SUPT6H: variants seen among roughly 807,000 people sequenced by gnomAD.
The protein encoded by SUPT6H is SPT6 homolog, histone chaperone and transcription elongation factor, also known as transcription elongation factor SPT6.
SUPT6H carries 11 observed loss-of-function variants against 222.3 expected under a neutral mutation model. The ratio of observed to expected loss-of-function variants is 0.05; its 90% CI spans 0.03 to 0.08. The LOEUF is 0.08. Among genes scored for constraint, SUPT6H ranks in the 10% least tolerant of loss-of-function variants. The pLI is 1.00. For synonymous variants in SUPT6H, 762 were observed against 801.2 expected (o/e 0.95, Z 0.83); for missense variants, 1,422 against 2,216.0 (o/e 0.64, Z 7.19).
chr17:28,681,297 A>G lies in SUPT6H; in HGVS notation c.1391A>G (p.Tyr464Cys). ...VQSMDELKDV[Y>C]NHFLLYYGRD... ...TCAATGGATGAGCTGAAAGATGTCTACAACCATTTTCTTCTTTATTATGGC... is the reference window on the plus strand; with the variant it reads ...TCAATGGATGAGCTGAAAGATGTCTGCAACCATTTTCTTCTTTATTATGGC... The change falls in exon 12 of 37, where the codon TAC (tyrosine) becomes TGC (cysteine). Residue 464 changes from tyrosine to cysteine, a missense_variant. This residue lies in a region of SUPT6H where 389 missense variants were observed against 544.6 expected (regional missense o/e 0.71). Coordinates refer to ENST00000314616, the MANE Select transcript of SUPT6H (RefSeq NM_003170.5). 2 of 1,614,078 alleles carry G rather than the reference A, an allele frequency of 1.2e-6. No homozygotes were observed. Among genetic ancestry groups the G allele is most frequent in the Non-Finnish European group, 1.7e-6 (2 of 1,179,998 alleles).
intron 7 of SUPT6H, among the ~76,000 whole-genome samples, chr17:28,676,704 T>C (rs754096095): frequency 7.2e-5 from 11 of 152,040 alleles, no homozygotes; most frequent in South Asian, 2.1e-4. Context: ...GGGTGGCAGA[T>C]TGCTTGAGTC....
chr17:28,678,993 G>A lies in SUPT6H; in HGVS notation c.1349+30G>A, dbSNP rs370324377. 3.4e-5 allele frequency: 55 copies of A among 1,613,576 alleles called. 1 individual carries two copies. Among genetic ancestry groups the A allele is most frequent in the African/African-American group, 1.3e-5 (1 of 74,900 alleles). ...AACATGCGGTGTTTATTCCATTATG[G>A]GAAGCCCTCAGACCCCAAGGCTGGC... On this transcript the variant is annotated intron_variant, in intron 11 of 36. Transcript: ENST00000314616.
At chr17:28,686,511 G>T (rs2031387627) in intron 20 of SUPT6H, 96 bp downstream of exon 20, 1 of 1,542,648 alleles carries the variant, frequency 6.5e-7, no homozygotes, top group Non-Finnish European at 8.9e-7. Flanking sequence ...TGGGGCTTGT[G>T]CTTGTGCAGG....
intron 6 of SUPT6H, 92 bp from the exon 7 acceptor site, chr17:28,676,065 T>C (rs2030728752): frequency 7.0e-7 from 1 of 1,423,194 alleles, no homozygotes; most frequent in African/African-American, 1.4e-5. Flanking sequence ...ACCCTCTCAG[T>C]TCCCTTGGGA....
chr17:28,699,198 C>G (rs1368184101), intron 32 of SUPT6H, among the ~76,000 whole-genome samples: 5 of 152,144 alleles, frequency 3.3e-5, no homozygotes, highest in African/African-American at 9.7e-5. Context: ...TCACACCCAC[C>G]CCATAGGCTT....
In SUPT6H at chr17:28,684,579, C is replaced by T; in HGVS notation, c.2230-7C>T. Reference sequence around the variant, plus strand: ...GTATGTAATACCTGTTGTGTCTCTTCCCTCAGGCCTGTAGTCGAAAGCTCT... The same window carrying T: ...GTATGTAATACCTGTTGTGTCTCTTTCCTCAGGCCTGTAGTCGAAAGCTCT... On this transcript the variant is annotated splice_polypyrimidine_tract_variant and splice_region_variant and intron_variant, in intron 17 of 36. Coordinates refer to ENST00000314616, the MANE Select transcript of SUPT6H (RefSeq NM_003170.5). 1 of 1,614,056 alleles carries T rather than the reference C, an allele frequency of 6.2e-7. No individual in the cohort carries two copies. Among genetic ancestry groups the T allele is most frequent in the Non-Finnish European group, 8.5e-7 (1 of 1,179,998 alleles).
At chr17:28,689,640 T>C in intron 25 of SUPT6H, 79 bp downstream of exon 25, 1 of 1,363,116 alleles carries the variant, frequency 7.3e-7, no homozygotes, top group Admixed American at 1.8e-5. Flanking sequence ...GCAGTGAGTG[T>C]GCAGAGAAAG....
chr17:28,678,149 A>G lies in SUPT6H; in HGVS notation c.1073A>G (p.Lys358Arg). ...FSRKGPSTIQ[K>R]IKEALGFMRN... ...CGGAAAGGGCCCAGCACAATTCAGAAGATCAAAGAGGCCCTGGGCTTCATG... is the reference window on the plus strand; with the variant it reads ...CGGAAAGGGCCCAGCACAATTCAGAGGATCAAAGAGGCCCTGGGCTTCATG... The change falls in exon 9 of 37, where the codon AAG becomes AGG. Residue 358 changes from lysine (K) to arginine (R), a missense_variant. Physicochemically the swap from Lys to Arg is conservative, Grantham distance 26. Around this residue, in one of 13 missense-constraint regions of SUPT6H, gnomAD observed 389 missense variants for 544.6 expected, o/e 0.71. Coordinates refer to ENST00000314616, the MANE Select transcript of SUPT6H (RefSeq NM_003170.5). 6.2e-7 allele frequency: 1 copy of G among 1,608,876 alleles called. No homozygotes were observed. Among genetic ancestry groups the G allele is most frequent in the Non-Finnish European group, 8.5e-7 (1 of 1,178,760 alleles).
Position 28,683,398 on chromosome 17 carries a change from G to A in SUPT6H, c.2009G>A (p.Ser670Asn), listed in dbSNP as rs1359135296. Residue 670 changes from serine to asparagine, a missense_variant, in exon 16 of 37, where the codon AGC becomes AAC. Coordinates refer to ENST00000314616, the MANE Select transcript of SUPT6H (RefSeq NM_003170.5). Reference protein sequence around the residue: ...EDEGLLTTDISIDLKGVEGYG... With the variant: ...EDEGLLTTDINIDLKGVEGYG... The stretch of plus-strand genomic sequence containing the variant: ...GAAGGGCTCCTCACCACTGACATCA[G>A]CATAGATTTGAAGGGAGTGGAAGGG... 3 of 1,614,156 alleles carry A rather than the reference G, an allele frequency of 1.9e-6. No homozygotes were observed. Among genetic ancestry groups the A allele is most frequent in the Non-Finnish European group, 2.5e-6 (3 of 1,180,044 alleles).
intron 1 of SUPT6H, among the ~76,000 whole-genome samples, chr17:28,663,971 C>A (rs1337599458): frequency 2.0e-5 from 3 of 151,276 alleles, no homozygotes; most frequent in Admixed American, 1.3e-4. Context: ...CAAGTGCCAC[C>A]ACATCTACTT....
Position 28,687,201 on chromosome 17 carries a change from G to T in SUPT6H, c.2814G>T (p.Leu938=), listed in dbSNP as rs773372476. 3.1e-6 allele frequency: 5 copies of T among 1,614,192 alleles called. No homozygotes were observed. The highest frequency in any genetic ancestry group is 4.2e-6 in the Non-Finnish European group (5 of 1,180,046). ...TGTGCAGTTCCGATGAAGACATCCT[G>T]TGTCTCAAGTTTCACCCCTTGCAGG... ...AQVCSSDEDI[L]CLKFHPLQEH... is the part of the protein sequence containing the mutation. Residue 938 remains leucine (L), a synonymous_variant, in exon 22 of 37, where the codon CTG becomes CTT. Transcript: ENST00000314616.
At chr17:28,680,164 G>C in intron 11 of SUPT6H, among the ~76,000 whole-genome samples, 1 of 150,604 alleles carries the variant, frequency 6.6e-6, no homozygotes, top group Middle Eastern at 3.5e-3. Flanking sequence ...AAATTAGCTC[G>C]GTGTGGTGGC....
At chr17:28,691,735 A>G (rs1410782977) in intron 27 of SUPT6H, 3 of 152,258 alleles carry the variant, frequency 2.0e-5, no homozygotes, top group Admixed American at 2.0e-4. Context: ...CTGTAGTCCC[A>G]GCCACTCAGG....
At chr17:28,686,273 G>A (rs2031374655) in intron 19 of SUPT6H, 66 bp from the exon 20 acceptor site, 10 of 1,414,526 alleles carry the variant, frequency 7.1e-6, no homozygotes, top group Non-Finnish European at 1.0e-5. Context: ...CCAACATAGG[G>A]AGACAGAATT....
chr17:28,691,122 C>T, intron 27 of SUPT6H, 59 bp downstream of exon 27: 6 of 1,564,656 alleles, frequency 3.8e-6, no homozygotes, highest in Non-Finnish European at 5.2e-6. Context: ...ATCTCGGTGC[C>T]TAGAAGGGAA....
intron 1 of SUPT6H, 112 bp from the exon 2 acceptor site, chr17:28,673,259 T>C: frequency 1.6e-6 from 1 of 614,028 alleles, no homozygotes; most frequent in East Asian, 2.8e-5. Context: ...GTGGGAATGT[T>C]GAGTGGGCAG....
At chr17:28,686,211 G>A (rs2031371434) in intron 19 of SUPT6H, 128 bp from the exon 20 acceptor site, 3 of 810,540 alleles carry the variant, frequency 3.7e-6, no homozygotes. Flanking sequence ...TAGTTCCTTG[G>A]TAGCACCTTG....
intron 1 of SUPT6H, among the ~76,000 whole-genome samples, chr17:28,662,661 C>T (rs1435406883): frequency 1.3e-5 from 2 of 152,130 alleles, no homozygotes; most frequent in East Asian, 1.9e-4. Flanking sequence ...ATGGAAGGGA[C>T]CTGGGGCTTC....
At position 28,682,827 on chromosome 17, in the gene SUPT6H, CT is replaced by C. The variant is rs2031183633; in HGVS notation, c.1700del (p.Leu567TrpfsTer19). On this transcript the variant is annotated frameshift_variant, in exon 14 of 37. Transcript: ENST00000314616. LOFTEE classifies it high-confidence loss of function. ...HETEQFPAEP[L>X]ELAKDYVCSQ... Reference sequence around the variant, plus strand: ...AGACAGAGCAGTTTCCCGCGGAGCCCTTGGAGCTGGCCAAGGATTACGTTTG... The same window carrying C: ...AGACAGAGCAGTTTCCCGCGGAGCCCTGGAGCTGGCCAAGGATTACGTTTG... 6.2e-7 allele frequency: 1 copy of C among 1,614,038 alleles called. No individual in the cohort carries two copies. The highest frequency in any genetic ancestry group is 1.3e-5 in the African/African-American group (1 of 74,900).
Sources: allele counts gnomAD v4.1 joint callset (sites outside exome capture counted in the v4.1 genomes callset), GRCh38; gene constraint gnomAD v4.1.1; regional missense constraint gnomAD v4.1.1; transcripts MANE v1.5; gene names NCBI Gene and HGNC (gene_info 2026-07-23, HGNC 2026-07-21).